Variants in PLXNB1 observed in about 807,000 individuals in gnomAD.
PLXNB1 encodes plexin B1.
Under a neutral mutation model 209.4 loss-of-function variants are expected in PLXNB1, and 106 were observed. The observed-to-expected ratio is 0.51, with a 90% confidence interval of 0.43 to 0.59. The LOEUF (loss-of-function observed/expected upper bound fraction) is 0.59, where lower values mean the gene tolerates loss of function less well. PLXNB1 is among the 20% of genes least tolerant of loss of function. The pLI, the probability that PLXNB1 is intolerant of heterozygous loss-of-function variation, is 0.00. For missense variants in PLXNB1, 2,357 were observed against 2,853.2 expected (o/e 0.83, Z 3.96); for synonymous variants, 1,167 against 1,183.2 (o/e 0.99, Z 0.28).
chr3:48,427,280 C>T (rs1037324020), intron 1 of PLXNB1, among the ~76,000 whole-genome samples: 4 of 152,118 alleles, frequency 2.6e-5, no homozygotes, highest in African/African-American at 4.8e-5. Context: ...GGAGGTCGGC[C>T]GCTGACCCAC....
At chr3:48,426,739 T>C (rs140500999) in intron 1 of PLXNB1, among the ~76,000 whole-genome samples, 1 of 151,964 alleles carries the variant, frequency 6.6e-6, no homozygotes, top group Non-Finnish European at 1.5e-5. Flanking sequence ...GGCAGCTCTA[T>C]GGGAGCAGGA....
chr3:48,417,899 C>T lies in PLXNB1; in HGVS notation c.3374+12G>A, dbSNP rs1462700035. The stretch of plus-strand genomic sequence containing the variant: ...GGCTGCGCCGTGCTCCTGCTGGGTG[C>T]AGCCAGCTTACCTGCTGGAGACCTC... On this transcript the variant is annotated intron_variant, in intron 16 of 37. Transcript: ENST00000296440. This position sits in a 1 kb window ranked among gnomAD's most constrained non-coding sequence, Gnocchi z 4.4. The T allele has an allele frequency of 6.2e-7, 1 of 1,602,526 alleles. No homozygotes were observed. The highest frequency in any genetic ancestry group is 8.5e-7 in the Non-Finnish European group (1 of 1,172,820).
rs780888907 is a variant in PLXNB1 at position 48,422,749 on chromosome 3, C to T, written c.1290+16G>A. ...CCAGACTCTGGGGCAGGGGCCAGTACTTCCTGTGGGCTCACCCTGTGCAGC... is the reference window on the plus strand; with the variant it reads ...CCAGACTCTGGGGCAGGGGCCAGTATTTCCTGTGGGCTCACCCTGTGCAGC... On this transcript the variant is annotated intron_variant, in intron 4 of 37. Coordinates refer to ENST00000296440, the MANE Select transcript of PLXNB1 (RefSeq NM_001130082.3). The T allele has an allele frequency of 1.2e-6, 2 of 1,610,218 alleles. No individual in the cohort carries two copies.
chr3:48,420,965 G>T lies in PLXNB1; in HGVS notation c.1811-9C>A, dbSNP rs751600655. ...GCTCACGGATACGTAGTCTGCAGAG[G>T]GGGAGAGAGGGCCAGGGTTAAGCAG... On this transcript the variant is annotated splice_polypyrimidine_tract_variant and intron_variant, in intron 8 of 37. Transcript: ENST00000296440. 5.6e-6 allele frequency: 9 copies of T among 1,605,544 alleles called. No individual in the cohort carries two copies. Among genetic ancestry groups the T allele is most frequent in the Non-Finnish European group, 6.0e-6 (7 of 1,172,802 alleles).
chr3:48,424,738 AGAG>A, intron 2 of PLXNB1, 121 bp from the exon 3 acceptor site: 2 of 1,033,580 alleles, frequency 1.9e-6, no homozygotes, highest in Non-Finnish European at 2.7e-6. Context: ...GGGGGTGAGC[AGAG>A]GAGGACCAGG....
Position 48,415,933 on chromosome 3 carries a change from T to A in PLXNB1, c.3617+98A>T. On this transcript the variant is annotated intron_variant, in intron 18 of 37. Transcript: ENST00000296440. The surrounding 1 kb of genome is among the most constrained non-coding windows in gnomAD (Gnocchi z 5.0). ...CTGGCCACTCTCTGAAGGAGCAGAC[T>A]GGCCCTCTTCCCCTTTCTGCTCTCC... 1.2e-5 allele frequency: 17 copies of A among 1,429,686 alleles called. No homozygotes were observed. Among genetic ancestry groups the A allele is most frequent in the Non-Finnish European group, 1.5e-5 (16 of 1,054,230 alleles). The allele number at this position is 1,429,686 out of a possible 1,614,324, so 88.6% of individuals were successfully genotyped here.
Position 48,414,016 on chromosome 3 carries a change from T to C in PLXNB1, c.4265A>G (p.Asp1422Gly). 1 of 1,613,768 alleles carries C rather than the reference T, an allele frequency of 6.2e-7. No homozygotes were observed. ...CAGCGTCTTCACCACACAGGGGCCATCCCCTATCATAGCCACCACCTCCTC... is the reference window on the plus strand; with the variant it reads ...CAGCGTCTTCACCACACAGGGGCCACCCCCTATCATAGCCACCACCTCCTC... ...SKEEVVAMIG[D>G]GPCVVKTLTR... Residue 1422 changes from aspartate (D) to glycine (G), a missense_variant, in exon 22 of 38, where the codon GAT (aspartate) becomes GGT (glycine). Transcript: ENST00000296440.
Position 48,413,535 on chromosome 3 carries a change from G to T in PLXNB1, c.4535+135C>A. On this transcript the variant is annotated intron_variant, in intron 23 of 37. Transcript: ENST00000296440. The surrounding 1 kb of genome is among the most constrained non-coding windows in gnomAD (Gnocchi z 5.4). ...CTGAGTTGTTGAACAGAGACCACTT[G>T]GCCTGCAAAGCGAAAATATTTACTC... The T allele has an allele frequency of 4.3e-6, 4 of 926,534 alleles. No individual in the cohort carries two copies. Among genetic ancestry groups the T allele is most frequent in the Non-Finnish European group, 6.3e-6 (4 of 632,532 alleles). The allele number at this position is 926,534 out of a possible 1,614,324, so 57.4% of individuals were successfully genotyped here. A position where few individuals can be genotyped will look rare whatever the true frequency, so the allele number is the denominator to read the frequency against.
Position 48,406,093 on chromosome 3 carries a change from C to A in PLXNB1, c.6229-295G>T. On this transcript the variant is annotated intron_variant, in intron 36 of 37. Coordinates refer to ENST00000296440, the MANE Select transcript of PLXNB1 (RefSeq NM_001130082.3). This position sits in a 1 kb window ranked among gnomAD's most constrained non-coding sequence, Gnocchi z 4.4. ...CACTGAAGCCCTGCCTCTCTCACCCCCTTGAGGTTCTAGCCCAGACCCTCT... is the reference window on the plus strand; with the variant it reads ...CACTGAAGCCCTGCCTCTCTCACCCACTTGAGGTTCTAGCCCAGACCCTCT... 2.8e-6 allele frequency: 1 copy of A among 352,610 alleles called. No individual in the cohort carries two copies. The highest frequency in any genetic ancestry group is 5.5e-6 in the Non-Finnish European group (1 of 183,402). The allele number at this position is 352,610 out of a possible 1,614,324, so 21.8% of individuals were successfully genotyped here.
At position 48,417,453 on chromosome 3, in the gene PLXNB1, C is replaced by G. The variant is rs1343989658; in HGVS notation, c.3374+458G>C. On this transcript the variant is annotated intron_variant, in intron 16 of 37. Coordinates refer to ENST00000296440, the MANE Select transcript of PLXNB1 (RefSeq NM_001130082.3). This position sits in a 1 kb window ranked among gnomAD's most constrained non-coding sequence, Gnocchi z 4.4. ...GGGGTCCCTAGAGACGACAGTGGAG[C>G]CTGGCCCTCGGCCAGTGTGCCTTTC... 6.6e-6 allele frequency among the ~76,000 whole-genome samples: 1 copy of G among 152,206 alleles called. No individual in the cohort carries two copies. Among genetic ancestry groups the G allele is most frequent in the Non-Finnish European group, 1.5e-5 (1 of 68,034 alleles).
chr3:48,422,302 C>T (rs9883927), intron 5 of PLXNB1, 29 bp downstream of exon 5: 900,925 of 1,608,798 alleles, frequency 0.56, 254,782 homozygotes, highest in Admixed American at 0.73. Context: ...CTCCCAGCAG[C>T]CATGCCCTGG....
At position 48,411,168 on chromosome 3, in the gene PLXNB1, G is replaced by A. The variant is rs539161824; in HGVS notation, c.5248-132C>T. 17 of 745,722 alleles carry A rather than the reference G, an allele frequency of 2.3e-5. No homozygotes were observed. Among genetic ancestry groups the A allele is most frequent in the Admixed American group, 2.8e-5 (1 of 35,270 alleles). 46.2% of individuals were successfully genotyped at this position (745,722 alleles called of 1,614,324 possible). A position where few individuals can be genotyped will look rare whatever the true frequency, so the allele number is the denominator to read the frequency against. On this transcript the variant is annotated intron_variant, in intron 28 of 37. Transcript: ENST00000296440. This position sits in a 1 kb window ranked among gnomAD's most constrained non-coding sequence, Gnocchi z 4.0. ...ACGCACCACACAATCCCTAATTCTC[G>A]TCTCTTCACCTGCCTGCCTTCCCCA...
chr3:48,416,384 T>C lies in PLXNB1; in HGVS notation c.3442A>G (p.Arg1148Gly), dbSNP rs2038103599. 4.3e-6 allele frequency: 7 copies of C among 1,613,146 alleles called. No homozygotes were observed. Among genetic ancestry groups the C allele is most frequent in the Non-Finnish European group, 5.1e-6 (6 of 1,179,886 alleles). The change falls in exon 17 of 38, where the codon AGA becomes GGA. Residue 1148 changes from arginine to glycine, a missense_variant. By Grantham distance (125) the Arg-to-Gly change is moderately radical (BLOSUM62 -2). Transcript: ENST00000296440. The surrounding 1 kb of genome is among the most constrained non-coding windows in gnomAD (Gnocchi z 4.1). ...TCGTGTTCTGAGACACCACGTCCTC[T>C]TCCCGGCACCTCCACCGCTGTGGCG... The part of the protein sequence containing the change: ...AGATAVEVPG[R>G]GRGVSEHDFA...
intron 34 of PLXNB1, among the ~76,000 whole-genome samples, chr3:48,408,897 G>A (rs1259442154): frequency 1.3e-5 from 2 of 152,124 alleles, no homozygotes; most frequent in Non-Finnish European, 2.9e-5. Context: ...CTGCTTGTCA[G>A]GACAGCACAG....
chr3:48,412,232 C>T lies in PLXNB1; in HGVS notation c.5100+6G>A. ...ACAGGAGCCCTGTCCACCTCTGCCC[C>T]CTCACCCTCACGAAGGTATACAGAC... On this transcript the variant is annotated splice_donor_region_variant and intron_variant, in intron 27 of 37. Transcript: ENST00000296440. 1 of 1,613,830 alleles carries T rather than the reference C, an allele frequency of 6.2e-7. No individual in the cohort carries two copies. The highest frequency in any genetic ancestry group is 8.5e-7 in the Non-Finnish European group (1 of 1,179,830).
chr3:48,429,153 A>C lies in PLXNB1; in HGVS notation c.-60+855T>G, dbSNP rs2039055880. On this transcript the variant is annotated intron_variant, in intron 1 of 37. Coordinates refer to ENST00000296440, the MANE Select transcript of PLXNB1 (RefSeq NM_001130082.3). The surrounding 1 kb of genome is among the most constrained non-coding windows in gnomAD (Gnocchi z 6.4). ...ACTCTCAAAACCAAAGCCGCCCACC[A>C]CTCACCCAGGCCGCCCCTGCCCGGC... The C allele has an allele frequency of 6.6e-6, 1 of 151,580 alleles. No homozygotes were observed. Among genetic ancestry groups the C allele is most frequent in the Non-Finnish European group, 1.5e-5 (1 of 67,886 alleles). 9.4% of individuals were successfully genotyped at this position (151,580 alleles called of 1,614,324 possible).
rs757697113 is a variant in PLXNB1, at chr3:48,419,627, G to A, written c.2659C>T (p.Leu887Phe). Residue 887 changes from leucine to phenylalanine, a missense_variant, in exon 11 of 38, where the codon CTC becomes TTC. Transcript: ENST00000296440. The surrounding 1 kb of genome is among the most constrained non-coding windows in gnomAD (Gnocchi z 5.7). ...TACTGGTAGTCGAGGCTGGACGGGA[G>A]GATGAGGGGGGCGGGAGGGCCCTCA... is the stretch of plus-strand genomic sequence containing the variant. ...ELEGPPAPLI[L>F]PSSLDYQYDT... 1 of 1,612,618 alleles carries A rather than the reference G, an allele frequency of 6.2e-7. No individual in the cohort carries two copies. Among genetic ancestry groups the A allele is most frequent in the South Asian group, 1.1e-5 (1 of 91,076 alleles).
In PLXNB1 at chr3:48,418,641, C is replaced by A; in HGVS notation, c.2956-99G>T. 3 of 1,123,582 alleles carry A rather than the reference C, an allele frequency of 2.7e-6. No individual in the cohort carries two copies. Among genetic ancestry groups the A allele is most frequent in the Middle Eastern group, 2.4e-4 (1 of 4,202 alleles). 69.6% of individuals were successfully genotyped at this position (1,123,582 alleles called of 1,614,324 possible). A position where few individuals can be genotyped will look rare whatever the true frequency, so the allele number is the denominator to read the frequency against. On this transcript the variant is annotated intron_variant, in intron 13 of 37. Coordinates refer to ENST00000296440, the MANE Select transcript of PLXNB1 (RefSeq NM_001130082.3). This position sits in a 1 kb window ranked among gnomAD's most constrained non-coding sequence, Gnocchi z 6.6. The stretch of plus-strand genomic sequence containing the variant: ...AAGGACTAAAACGACCAGTTAGGAG[C>A]ATAGGGTCAGAGGGACCCCATGGGG...
At position 48,409,395 on chromosome 3, in the gene PLXNB1, C is replaced by T. The variant is rs144159868; in HGVS notation, c.6021G>A (p.Ala2007=). ...FDVQTSDNMD[A]VLLVIAQTFM... ...AGGTCTGTGCAATGACAAGGAGCAC[C>T]GCATCCATGTTATCAGATGTTTGCA... Residue 2007 remains alanine (A), a synonymous_variant, in exon 34 of 38, where the codon GCG becomes GCA. Coordinates refer to ENST00000296440, the MANE Select transcript of PLXNB1 (RefSeq NM_001130082.3). This position sits in a 1 kb window ranked among gnomAD's most constrained non-coding sequence, Gnocchi z 5.8. 8.1e-6 allele frequency: 13 copies of T among 1,614,158 alleles called. No individual in the cohort carries two copies. Among genetic ancestry groups the T allele is most frequent in the Non-Finnish European group, 1.0e-5 (12 of 1,179,988 alleles).
Sources: allele counts gnomAD v4.1 joint callset (sites outside exome capture counted in the v4.1 genomes callset), GRCh38; gene constraint gnomAD v4.1.1; non-coding constraint Gnocchi (gnomAD v3.1); transcripts MANE v1.5; gene names NCBI Gene and HGNC (gene_info 2026-07-23, HGNC 2026-07-21).